Variants in SPOCK1 observed in about 807,000 individuals in gnomAD.
The protein encoded by SPOCK1 is SPARC (osteonectin), cwcv and kazal like domains proteoglycan 1.
A neutral mutation model predicts 55.3 loss-of-function variants in SPOCK1; 23 were observed. The ratio of observed to expected loss-of-function variants is 0.42; its 90% CI spans 0.30 to 0.59. The LOEUF (loss-of-function observed/expected upper bound fraction) is 0.59, where lower values mean the gene tolerates loss of function less well. Ranked by LOEUF, SPOCK1 falls within the 20% of genes least tolerant of loss-of-function variation. The pLI, the probability that SPOCK1 is intolerant of heterozygous loss-of-function variation, is 0.22. For missense variants in SPOCK1, 499 were observed against 552.5 expected (o/e 0.90, Z 0.97); for synonymous variants, 226 against 221.0 (o/e 1.02, Z -0.20).
intron 4 of SPOCK1, among the ~76,000 whole-genome samples, chr5:137,116,825 G>A (rs1025483498): frequency 9.2e-5 from 14 of 151,908 alleles, no homozygotes; most frequent in Non-Finnish European, 5.9e-5. Context: ...ACTCTCAGCC[G>A]TTTCCCAGAG....
intron 2 of SPOCK1, among the ~76,000 whole-genome samples, chr5:137,495,836 T>A (rs1024834454): frequency 6.6e-6 from 1 of 152,176 alleles, no homozygotes; most frequent in Admixed American, 6.5e-5. Context: ...TTTAAAGAGG[T>A]TAATGACATT....
At chr5:137,365,189 A>G (rs1156399637) in intron 2 of SPOCK1, 1 of 152,360 alleles carries the variant, frequency 6.6e-6, no homozygotes, top group Non-Finnish European at 1.5e-5. Flanking sequence ...CAGTCCAGGG[A>G]TCTCCACTAA....
chr5:137,415,479 G>A (rs1752309893), intron 2 of SPOCK1, among the ~76,000 whole-genome samples: 1 of 152,240 alleles, frequency 6.6e-6, no homozygotes, highest in Non-Finnish European at 1.5e-5. Context: ...CCTCTAGGAT[G>A]AGGTCAAGAT....
intron 2 of SPOCK1, among the ~76,000 whole-genome samples, chr5:137,334,055 A>G (rs1327853435): frequency 6.6e-6 from 1 of 152,182 alleles, no homozygotes; most frequent in African/African-American, 2.4e-5. Context: ...CCTATTCTCT[A>G]GGGGTCTCTG....
intron 3 of SPOCK1, among the ~76,000 whole-genome samples, chr5:137,241,537 C>T (rs1024123971): frequency 2.6e-5 from 4 of 152,164 alleles, no homozygotes; most frequent in Non-Finnish European, 4.4e-5. Context: ...ATCCCCAATG[C>T]AACAGTGTTG....
chr5:137,079,489 A>C (rs938819115), intron 5 of SPOCK1, among the ~76,000 whole-genome samples: 1 of 151,424 alleles, frequency 6.6e-6, no homozygotes, highest in African/African-American at 2.4e-5. Context: ...TCACAGTCCA[A>C]CAGATGGAAA....
intron 5 of SPOCK1, among the ~76,000 whole-genome samples, chr5:137,077,010 G>A (rs1005824463): frequency 1.3e-4 from 20 of 151,956 alleles, no homozygotes; most frequent in African/African-American, 4.4e-4. Flanking sequence ...TGCAAGCTCC[G>A]CCTCCTGGGT....
intron 2 of SPOCK1, among the ~76,000 whole-genome samples, chr5:137,429,806 A>G (rs1358701687): frequency 6.6e-6 from 1 of 152,248 alleles, no homozygotes; most frequent in African/African-American, 2.4e-5. Flanking sequence ...GAGAAAAACT[A>G]AACTGTGGAG....
intron 2 of SPOCK1, among the ~76,000 whole-genome samples, chr5:137,284,810 G>C (rs1014191789): frequency 1.3e-5 from 2 of 152,158 alleles, no homozygotes; most frequent in African/African-American, 2.4e-5. Flanking sequence ...GGTTCAAAGA[G>C]GTGGCAAGTT....
chr5:137,308,374 T>A (rs1451051141), intron 2 of SPOCK1, among the ~76,000 whole-genome samples: 6 of 152,216 alleles, frequency 3.9e-5, no homozygotes, highest in African/African-American at 1.4e-4. Flanking sequence ...TCCTTTGACC[T>A]CTGGCTGCAG....
At chr5:137,324,655 G>A (rs1439787691) in intron 2 of SPOCK1, among the ~76,000 whole-genome samples, 3 of 152,072 alleles carry the variant, frequency 2.0e-5, no homozygotes, top group Admixed American at 6.6e-5. Flanking sequence ...TATTCAATGA[G>A]TACAAAGTTT....
chr5:137,120,125 C>A (rs1265712386), intron 4 of SPOCK1, among the ~76,000 whole-genome samples: 1 of 152,134 alleles, frequency 6.6e-6, no homozygotes, highest in Non-Finnish European at 1.5e-5. Context: ...ATACCAGCAC[C>A]TTTATGTGCT....
At chr5:137,012,932 T>G (rs939391941) in intron 6 of SPOCK1, among the ~76,000 whole-genome samples, 7 of 152,248 alleles carry the variant, frequency 4.6e-5, no homozygotes, top group Admixed American at 6.5e-5. Flanking sequence ...AGAAGAATAT[T>G]ATGACATGGA....
At chr5:136,999,781 T>A (rs1751113937) in intron 6 of SPOCK1, among the ~76,000 whole-genome samples, 1 of 152,184 alleles carries the variant, frequency 6.6e-6, no homozygotes, top group African/African-American at 2.4e-5. Flanking sequence ...TGAGTGAGCG[T>A]GTCTCTGTTA....
At position 137,375,193 on chromosome 5, in the gene SPOCK1, T is replaced by A. The variant is rs917946399; in HGVS notation, c.187-108138A>T. Reference sequence around the variant, plus strand: ...AAGTAACAAGAAGTAAAATATCCAATCAACAGAACAGATAAACTGTAGTAA... The same window carrying A: ...AAGTAACAAGAAGTAAAATATCCAAACAACAGAACAGATAAACTGTAGTAA... On this transcript the variant is annotated intron_variant, in intron 2 of 10. Coordinates refer to ENST00000394945, the MANE Select transcript of SPOCK1 (RefSeq NM_004598.4). Among the ~76,000 whole-genome samples the A allele has an allele frequency of 3.9e-5, 6 of 151,928 alleles. 1 individual carries two copies. In the East Asian group the frequency reaches 1.2e-3, roughly 29 times the overall value.
intron 5 of SPOCK1, among the ~76,000 whole-genome samples, chr5:137,091,027 G>A (rs964112631): frequency 6.6e-6 from 1 of 152,178 alleles, no homozygotes; most frequent in Non-Finnish European, 1.5e-5. Context: ...GGGGCCACAG[G>A]ATCCTCTGTG....
chr5:137,186,017 T>C (rs973998762), intron 3 of SPOCK1, among the ~76,000 whole-genome samples: 2 of 152,224 alleles, frequency 1.3e-5, no homozygotes, highest in Non-Finnish European at 2.9e-5. Context: ...CAAATTTATC[T>C]GTGCCACAGA....
At chr5:137,343,071 T>A (rs17171363) in intron 2 of SPOCK1, among the ~76,000 whole-genome samples, 9,739 of 152,290 alleles carry the variant, frequency 0.064, 653 homozygotes, top group African/African-American at 0.17. Context: ...GCTGGGTGAC[T>A]GTCTTTGAGC....
intron 3 of SPOCK1, among the ~76,000 whole-genome samples, chr5:137,223,636 A>G (rs1755897673): frequency 6.6e-6 from 1 of 152,232 alleles, no homozygotes; most frequent in African/African-American, 2.4e-5. Flanking sequence ...ATGAGATGAA[A>G]TTATTCTCAT....
Sources: gnomAD v4.1 joint callset for allele counts (sites outside exome capture counted in the v4.1 genomes callset) on GRCh38, gnomAD v4.1.1 for gene constraint, MANE v1.5 for transcripts, NCBI Gene and HGNC (gene_info 2026-07-23, HGNC 2026-07-21) for gene names.